The following SLC5A8 variants were observed in gnomAD, a reference collection of about 807,000 sequenced individuals.
SLC5A8 encodes the protein solute carrier family 5 member 8, also known as sodium-coupled monocarboxylate transporter 1.
SLC5A8 carries 55 observed loss-of-function variants against 71.9 expected under a neutral mutation model. The observed-to-expected ratio is 0.77, with a 90% CI of 0.62 to 0.96. SLC5A8 has a LOEUF of 0.96. Among genes scored for constraint, SLC5A8 ranks in the 40% least tolerant of loss-of-function variants. The probability of loss-of-function intolerance (pLI) is 0.00; values close to 1 mark genes in which losing one functional copy is unlikely to be tolerated. For synonymous variants in SLC5A8, 307 were observed against 276.1 expected, an observed-to-expected ratio of 1.11 and a Z score of -1.11; for missense variants, 701 against 745.3, an observed-to-expected ratio of 0.94 and a Z score of 0.69.
chr12:101,190,644 T>C (rs752782086), intron 5 of SLC5A8, 36 bp from the exon 6 acceptor site: 44 of 1,551,070 alleles, frequency 2.8e-5, no homozygotes, highest in Non-Finnish European at 3.5e-5. Context: ...ATCTGAACTA[T>C]TAGCAGAGAC....
At chr12:101,162,184 G>GT (rs1447642896) in intron 12 of SLC5A8, 107 bp from the exon 13 acceptor site, 4 of 709,764 alleles carry the variant, frequency 5.6e-6, no homozygotes, top group African/African-American at 3.5e-5. Context: ...ACTTAATAAT[G>GT]TTTTTAATGT....
At chr12:101,186,162 T>C (rs1038594351) in intron 7 of SLC5A8, among the ~76,000 whole-genome samples, 2 of 151,204 alleles carry the variant, frequency 1.3e-5, no homozygotes, top group Non-Finnish European at 2.9e-5. Flanking sequence ...GTCTTCATGA[T>C]ACAAACTACA....
intron 1 of SLC5A8, among the ~76,000 whole-genome samples, chr12:101,207,695 C>T (rs1022938992): frequency 6.6e-6 from 1 of 152,144 alleles, no homozygotes; most frequent in Non-Finnish European, 1.5e-5. Context: ...TCACAGCTCA[C>T]AGACTCAGAT....
intron 6 of SLC5A8, 30 bp downstream of exon 6, chr12:101,190,438 A>G (rs1868843287): frequency 1.9e-6 from 3 of 1,597,834 alleles, no homozygotes; most frequent in Non-Finnish European, 1.7e-6. Flanking sequence ...ATGGTTATTA[A>G]TGATTCATAT....
At position 101,157,227 on chromosome 12, in the gene SLC5A8, A is replaced by G; in HGVS notation, c.*52T>C. On this transcript the variant is annotated 3_prime_UTR_variant, in exon 15 of 15. Transcript: ENST00000536262. ...AGAAAACCTGATCCAATTATCTTAG[A>G]AAACATATAAAATTGAAACATCATT... 2.5e-6 allele frequency: 4 copies of G among 1,587,932 alleles called. No homozygotes were observed. In the East Asian group the frequency reaches 6.7e-5, roughly 27 times the overall value.
At chr12:101,202,294 T>C (rs1869489883) in intron 2 of SLC5A8, 79 bp from the exon 3 acceptor site, 7 of 1,272,686 alleles carry the variant, frequency 5.5e-6, no homozygotes, top group Middle Eastern at 2.0e-4. Context: ...AAAATATTGA[T>C]TGTTTTCCTA....
intron 13 of SLC5A8, 114 bp downstream of exon 13, chr12:101,161,860 A>G (rs2051725909): frequency 1.3e-6 from 1 of 771,560 alleles, no homozygotes; most frequent in South Asian, 1.8e-5. Flanking sequence ...CAGAAGAAAT[A>G]ATTAAACTAG....
In SLC5A8 at chr12:101,156,440, G is replaced by T. The variant is rs560209016; in HGVS notation, c.*839C>A. The T allele has an allele frequency of 5.3e-5, 8 of 152,278 alleles. No homozygotes were observed. The highest frequency in any genetic ancestry group is 1.9e-4 in the African/African-American group (8 of 41,550). The allele number at this position is 152,278 out of a possible 1,614,324, so 9.4% of individuals were successfully genotyped here. On this transcript the variant is annotated 3_prime_UTR_variant, in exon 15 of 15. Transcript: ENST00000536262. ...GGGACTTGATAAGCCAGGATTTGGG[G>T]TGGCATGATTCACATGAGTGTCTTG...
At chr12:101,162,221 T>C (rs1289288398) in intron 12 of SLC5A8, 144 bp from the exon 13 acceptor site, 3 of 604,370 alleles carry the variant, frequency 5.0e-6, no homozygotes, top group Non-Finnish European at 8.8e-6. Context: ...AATTTTATCT[T>C]ATCAGATCAG....
chr12:101,198,357 C>T (rs1408614457), intron 3 of SLC5A8, among the ~76,000 whole-genome samples: 1 of 151,566 alleles, frequency 6.6e-6, no homozygotes, highest in Admixed American at 6.6e-5. Flanking sequence ...AACACTGATT[C>T]TTAGAAGAGA....
chr12:101,160,057 C>CT (rs1451323788), intron 13 of SLC5A8, among the ~76,000 whole-genome samples: 2 of 152,156 alleles, frequency 1.3e-5, no homozygotes, highest in African/African-American at 4.8e-5. Context: ...TGGTGCGTGC[C>CT]TGTAGTCCCA....
At position 101,157,249 on chromosome 12, in the gene SLC5A8, C is replaced by A; in HGVS notation, c.*30G>T. 6.2e-7 allele frequency: 1 copy of A among 1,600,328 alleles called. No individual in the cohort carries two copies. The highest frequency in any genetic ancestry group is 2.2e-5 in the East Asian group (1 of 44,646). ...TAGAAAACATATAAAATTGAAACAT[C>A]ATTTAAGGATATCTAGTATCAGAGC... is the stretch of plus-strand genomic sequence containing the variant. On this transcript the variant is annotated 3_prime_UTR_variant, in exon 15 of 15. Coordinates refer to ENST00000536262, the MANE Select transcript of SLC5A8 (RefSeq NM_145913.5).
rs1385247737 is a variant in SLC5A8, at chr12:101,158,235, G to A, written c.1710+14C>T. The A allele has an allele frequency of 1.3e-6, 2 of 1,552,018 alleles. 1 individual carries two copies. The highest frequency in any genetic ancestry group is 2.3e-5 in the South Asian group (2 of 87,698). On this transcript the variant is annotated intron_variant, in intron 14 of 14. Coordinates refer to ENST00000536262, the MANE Select transcript of SLC5A8 (RefSeq NM_145913.5). ...CCCAGTTTCCTAACTCAAGGTAAAT[G>A]AAAGCCAACTCACTTTCTTAAAAAT...
rs767362595 is a variant in SLC5A8, at chr12:101,157,365, C to T, written c.1747G>A (p.Glu583Lys). The change falls in exon 15 of 15, where the codon GAA becomes AAA. Residue 583 changes from glutamate (E) to lysine (K), a missense_variant. Physicochemically the swap from Glu to Lys is moderately conservative, Grantham distance 56 (BLOSUM62 1). Transcript: ENST00000536262. ...GCAGGATTATCAGTTCCACCATCTT[C>T]CACTGGATGTGATTTATAGCTCAAA... ...HVLSYKSHPV[E>K]DGGTDNPAFN... The T allele has an allele frequency of 2.5e-6, 4 of 1,611,230 alleles. No homozygotes were observed. The South Asian group carries it at 3.3e-5, about 13-fold the overall frequency.
intron 3 of SLC5A8, among the ~76,000 whole-genome samples, chr12:101,199,879 C>A (rs373642868): frequency 6.6e-6 from 1 of 150,886 alleles, no homozygotes. Flanking sequence ...AAACAAAATG[C>A]ACAAAACCTT....
At chr12:101,186,547 A>G (rs1456302576) in intron 7 of SLC5A8, among the ~76,000 whole-genome samples, 3 of 152,152 alleles carry the variant, frequency 2.0e-5, no homozygotes, top group African/African-American at 7.2e-5. Flanking sequence ...CCTTTTTGAA[A>G]GACAATAAAT....
intron 11 of SLC5A8, among the ~76,000 whole-genome samples, 196 bp from the exon 12 acceptor site, chr12:101,166,895 T>A (rs1438146577): frequency 2.0e-5 from 3 of 151,288 alleles, no homozygotes; most frequent in Non-Finnish European, 4.4e-5. Context: ...AATAAATGAA[T>A]GAAAGGTATT....
At chr12:101,175,222 C>T (rs540154501) in intron 10 of SLC5A8, among the ~76,000 whole-genome samples, 243 of 151,934 alleles carry the variant, frequency 1.6e-3, no homozygotes, top group African/African-American at 5.6e-3. Context: ...AGAAAAAGAT[C>T]GGTGAACTGA....
chr12:101,183,131 T>C (rs1475679710), intron 8 of SLC5A8, among the ~76,000 whole-genome samples: 5 of 141,822 alleles, frequency 3.5e-5, no homozygotes, highest in South Asian at 2.4e-4. Flanking sequence ...CTGCAAGCTC[T>C]GCCTCCCGGG....
Sources: allele counts gnomAD v4.1 joint callset (sites outside exome capture counted in the v4.1 genomes callset), GRCh38; gene constraint gnomAD v4.1.1; transcripts MANE v1.5; gene names NCBI Gene and HGNC (gene_info 2026-07-23, HGNC 2026-07-21).